Variants in TMIGD3 observed in about 807,000 individuals in gnomAD.
TMIGD3 encodes the protein AD026 protein (AD026).
TMIGD3 carries 21 observed loss-of-function variants against 28.1 expected under a neutral mutation model. That is an observed-to-expected ratio of 0.75 (90% CI 0.53 to 1.08). The LOEUF is 1.08. Ranked by LOEUF, TMIGD3 falls within the 50% of genes least tolerant of loss-of-function variation. The probability of loss-of-function intolerance (pLI) is 0.00; values close to 1 mark genes in which losing one functional copy is unlikely to be tolerated. For missense variants in TMIGD3, 416 were observed against 435.6 expected (o/e 0.96, Z 0.40); for synonymous variants, 151 against 162.1 (o/e 0.93, Z 0.52).
intron 1 of TMIGD3, among the ~76,000 whole-genome samples, chr1:111,563,601 G>C (rs1054008458): frequency 6.6e-6 from 1 of 152,178 alleles, no homozygotes; most frequent in Non-Finnish European, 1.5e-5. Flanking sequence ...ATGGGAAAAT[G>C]CCTCCAGAGC....
chr1:111,562,454 G>T (rs1657778233), intron 1 of TMIGD3, among the ~76,000 whole-genome samples: 1 of 152,120 alleles, frequency 6.6e-6, no homozygotes, highest in Admixed American at 6.5e-5. Context: ...ATCATTATTG[G>T]TCATGTACAC....
chr1:111,538,519 T>TG (rs1407185453), intron 1 of TMIGD3, among the ~76,000 whole-genome samples: 1 of 152,168 alleles, frequency 6.6e-6, no homozygotes, highest in Non-Finnish European at 1.5e-5. Context: ...TGGCCCTTCA[T>TG]GGGGGGCATC....
chr1:111,521,868 C>T (rs989569958), intron 1 of TMIGD3, among the ~76,000 whole-genome samples: 1 of 152,108 alleles, frequency 6.6e-6, no homozygotes, highest in Non-Finnish European at 1.5e-5. Flanking sequence ...TGTGTTTTCT[C>T]CTAGAAATTT....
At chr1:111,499,213 A>C (rs1192420719) in intron 1 of TMIGD3, among the ~76,000 whole-genome samples, 1 of 152,208 alleles carries the variant, frequency 6.6e-6, no homozygotes, top group African/African-American at 2.4e-5. Flanking sequence ...CACCAGGGGA[A>C]ATGAATAGGA....
chr1:111,534,550 G>A (rs1656577606), intron 1 of TMIGD3, among the ~76,000 whole-genome samples: 3 of 152,148 alleles, frequency 2.0e-5, no homozygotes, highest in Non-Finnish European at 4.4e-5. Context: ...ATTTTTATAA[G>A]TGTTCTCTCC....
At chr1:111,500,174 G>A in intron 1 of TMIGD3, 3 of 1,614,166 alleles carry the variant, frequency 1.9e-6, no homozygotes, top group Admixed American at 3.3e-5. Context: ...ATAGATAAAG[G>A]CAGCCATGAC....
intron 1 of TMIGD3, among the ~76,000 whole-genome samples, chr1:111,555,959 T>C (rs2101041404): frequency 6.6e-6 from 1 of 152,276 alleles, no homozygotes; most frequent in East Asian, 1.9e-4. Flanking sequence ...AAGGACACTA[T>C]TGATGGATTG....
At chr1:111,558,228 A>G (rs1657582378) in intron 1 of TMIGD3, among the ~76,000 whole-genome samples, 1 of 152,170 alleles carries the variant, frequency 6.6e-6, no homozygotes, top group Non-Finnish European at 1.5e-5. Context: ...CCCAGGCTGG[A>G]GTGCAGTGGC....
At chr1:111,536,248 A>AG (rs1342290007) in intron 1 of TMIGD3, among the ~76,000 whole-genome samples, 1 of 151,090 alleles carries the variant, frequency 6.6e-6, no homozygotes, top group African/African-American at 2.4e-5. Flanking sequence ...TTTTTTAAGG[A>AG]GAAAAAAAAC....
chr1:111,486,545 C>A, intron 4 of TMIGD3, 41 bp downstream of exon 4: 1 of 1,505,310 alleles, frequency 6.6e-7, no homozygotes, highest in Non-Finnish European at 9.2e-7. Flanking sequence ...ACCTCCACCC[C>A]ACCGCCCCAA....
At chr1:111,519,232 A>C (rs150428589) in intron 1 of TMIGD3, among the ~76,000 whole-genome samples, 2,986 of 152,058 alleles carry the variant, frequency 0.02, 89 homozygotes, top group African/African-American at 0.066. Flanking sequence ...AGCCACCGCA[A>C]CCAGCCCCAA....
rs2298190 is a variant in TMIGD3, at chr1:111,483,443, T to C, written c.*244A>G. 48 of 465,384 alleles carry C rather than the reference T, an allele frequency of 1.0e-4. No homozygotes were observed. The East Asian group carries it at 1.8e-3, about 18-fold the overall frequency. 28.8% of individuals were successfully genotyped at this position (465,384 alleles called of 1,614,324 possible). A position where few individuals can be genotyped will look rare whatever the true frequency, so the allele number is the denominator to read the frequency against. On this transcript the variant is annotated 3_prime_UTR_variant, in exon 6 of 6. Coordinates refer to ENST00000369716, the MANE Select transcript of TMIGD3 (RefSeq NM_020683.7). ...TCTCCACCTCTTCTTCACTTCTGAC[T>C]GATGGAATGCATAAGAACTAAGATC...
intron 1 of TMIGD3, among the ~76,000 whole-genome samples, chr1:111,541,780 C>T (rs747672670): frequency 2.6e-5 from 4 of 151,978 alleles, no homozygotes; most frequent in Admixed American, 1.3e-4. Context: ...ACGAGGGGCC[C>T]GTAAAAGAGC....
chr1:111,503,184 A>G lies in TMIGD3; in HGVS notation c.171T>C (p.Ala57=). The G allele has an allele frequency of 1.9e-6, 3 of 1,614,270 alleles. No individual in the cohort carries two copies. The highest frequency in any genetic ancestry group is 2.5e-6 in the Non-Finnish European group (3 of 1,180,044). ...TFYFIVSLAL[A]DIAVGVLVMP... is the part of the protein sequence containing the mutation. Reference sequence around the variant, plus strand: ...TGACCAGCACCCCAACAGCAATGTCAGCCAGGGCTAGAGAGACAATGAAAT... The same window carrying G: ...TGACCAGCACCCCAACAGCAATGTCGGCCAGGGCTAGAGAGACAATGAAAT... The change falls in exon 1 of 6, where the codon GCT becomes GCC. Residue 57 remains alanine, a synonymous_variant. Coordinates refer to ENST00000369716, the MANE Select transcript of TMIGD3 (RefSeq NM_020683.7).
At chr1:111,490,408 C>A in intron 2 of TMIGD3, 1 of 502,766 alleles carries the variant, frequency 2.0e-6, no homozygotes, top group Admixed American at 3.4e-5. Context: ...AGTATATGTG[C>A]TGCCAAAGTG....
chr1:111,555,362 T>TAAAAAAAAAAAAAAAAAAAAA (rs397981230), intron 1 of TMIGD3, among the ~76,000 whole-genome samples: 4 of 47,640 alleles, frequency 8.4e-5, no homozygotes, highest in African/African-American at 4.8e-4. Context: ...TGAGACTCTG[T>TAAAAAAAAAAAAAAAAAAAAA]AAAAAAAAAA....
chr1:111,500,471 T>C (rs1292162785), intron 1 of TMIGD3: 2 of 1,614,216 alleles, frequency 1.2e-6, no homozygotes, highest in African/African-American at 1.3e-5. Context: ...CAGCCAAACA[T>C]GGGGGTCAAT....
upstream of TMIGD3, among the ~76,000 whole-genome samples, chr1:111,507,008 T>G (rs758835304): frequency 2.2e-5 from 1 of 45,830 alleles, no homozygotes. Context: ...TACACACACA[T>G]ATGTGTGTGT....
At chr1:111,551,730 T>G (rs1276284781) in intron 1 of TMIGD3, among the ~76,000 whole-genome samples, 1 of 149,534 alleles carries the variant, frequency 6.7e-6, no homozygotes, top group Non-Finnish European at 1.5e-5. Context: ...TTTTTGGTTT[T>G]GTTTTGTGGT....
Sources: allele counts gnomAD v4.1 joint callset (sites outside exome capture counted in the v4.1 genomes callset), GRCh38; gene constraint gnomAD v4.1.1; transcripts MANE v1.5; gene names NCBI Gene and HGNC (gene_info 2026-07-23, HGNC 2026-07-21).